NAT2: variants seen among roughly 807,000 people sequenced by gnomAD.
NAT2 encodes N-acetyltransferase 2.
For missense variants in NAT2, 428 were observed against 339.1 expected (o/e 1.26, Z -2.06); for synonymous variants, 137 against 125.9 (o/e 1.09, Z -0.59).
chr8:18,391,442 T>C (rs573250639), intron 1 of NAT2, 97 bp downstream of exon 1: 1 of 151,842 alleles, frequency 6.6e-6, no homozygotes, highest in African/African-American at 2.4e-5. Flanking sequence ...ATGGATCCCC[T>C]CTTGTCCTAG....
intron 1 of NAT2, among the ~76,000 whole-genome samples, chr8:18,395,556 A>C (rs906680238): frequency 6.6e-6 from 1 of 152,170 alleles, no homozygotes; most frequent in Non-Finnish European, 1.5e-5. Context: ...AATACACCGA[A>C]TATGTCTGTT....
chr8:18,396,562 A>C (rs1262369677), intron 1 of NAT2, among the ~76,000 whole-genome samples: 1 of 151,918 alleles, frequency 6.6e-6, no homozygotes, highest in Non-Finnish European at 1.5e-5. Context: ...CACCCGCCTA[A>C]TTTTTGTATT....
chr8:18,400,075 A>G lies in NAT2; in HGVS notation c.72A>G (p.Leu24=), dbSNP rs1457969909. Residue 24 remains leucine (L), a synonymous_variant, in exon 2 of 2, where the codon TTA becomes TTG. Transcript: ENST00000286479. ...GGAACAAATTGGACTTGGAAACATT[A>G]ACTGACATTCTTGAGCACCAGATCC... The part of the protein sequence containing the change: ...NSRNKLDLET[L]TDILEHQIRA... 3.7e-6 allele frequency: 6 copies of G among 1,613,592 alleles called. No homozygotes were observed. The African/African-American group carries it at 4.0e-5, about 11-fold the overall frequency.
chr8:18,389,133 T>C (rs1188590193), upstream of NAT2, among the ~76,000 whole-genome samples: 2 of 152,126 alleles, frequency 1.3e-5, no homozygotes, highest in African/African-American at 2.4e-5. Flanking sequence ...TGACAATAAT[T>C]AGAGGCAATC....
rs1401932110 is a variant in NAT2, at chr8:18,400,360, C to A, written c.357C>A (p.Tyr119Ter). ...AGGTGACCATTGACGGCAGGAATTACATTGTCGATGCTGGGTCTGGAAGCT... is the reference window on the plus strand; with the variant it reads ...AGGTGACCATTGACGGCAGGAATTAAATTGTCGATGCTGGGTCTGGAAGCT... ...LLQVTIDGRN[Y>*]IVDAGSGSSS... Residue 119 changes from tyrosine (Y) to a stop codon, truncating the protein, a stop_gained, in exon 2 of 2, where the codon TAC (tyrosine) becomes TAA (stop). Coordinates refer to ENST00000286479, the MANE Select transcript of NAT2 (RefSeq NM_000015.3). LOFTEE classifies it low-confidence loss of function (END_TRUNC). 1 of 1,612,598 alleles carries A rather than the reference C, an allele frequency of 6.2e-7. No individual in the cohort carries two copies. Among genetic ancestry groups the A allele is most frequent in the African/African-American group, 1.3e-5 (1 of 74,808 alleles).
chr8:18,393,942 T>C (rs1322161571), intron 1 of NAT2, among the ~76,000 whole-genome samples: 3 of 152,238 alleles, frequency 2.0e-5, no homozygotes, highest in Non-Finnish European at 4.4e-5. Context: ...AAAGACATAG[T>C]TTCATGCACA....
Position 18,400,426 on chromosome 8 carries a change from G to C in NAT2, c.423G>C (p.Lys141Asn). 6.2e-7 allele frequency: 1 copy of C among 1,612,992 alleles called. No individual in the cohort carries two copies. Among genetic ancestry groups the C allele is most frequent in the East Asian group, 2.2e-5 (1 of 44,862 alleles). Residue 141 changes from lysine to asparagine, a missense_variant, in exon 2 of 2, where the codon AAG (lysine) becomes AAC (asparagine). Coordinates refer to ENST00000286479, the MANE Select transcript of NAT2 (RefSeq NM_000015.3). ...AGCCTCTAGAATTAATTTCTGGGAA[G>C]GATCAGCCTCAGGTGCCTTGCATTT... ...MWQPLELISG[K>N]DQPQVPCIFC...
At chr8:18,394,184 A>G (rs1800643107) in intron 1 of NAT2, among the ~76,000 whole-genome samples, 1 of 152,176 alleles carries the variant, frequency 6.6e-6, no homozygotes. Context: ...AGCCAGGATG[A>G]GCCAGGAGAA....
At chr8:18,397,420 G>A (rs1800711963) in intron 1 of NAT2, among the ~76,000 whole-genome samples, 1 of 152,040 alleles carries the variant, frequency 6.6e-6, no homozygotes, top group African/African-American at 2.4e-5. Flanking sequence ...TATTTTGTAT[G>A]ATAAATAATT....
chr8:18,399,705 A>T (rs566091438), intron 1 of NAT2, among the ~76,000 whole-genome samples: 36 of 152,182 alleles, frequency 2.4e-4, no homozygotes, highest in Non-Finnish European at 4.1e-4. Context: ...AGAACACCAC[A>T]AACAAGTTGT....
In NAT2 at chr8:18,400,610, G is replaced by C. The variant is rs758539294; in HGVS notation, c.607G>C (p.Glu203Gln). The C allele has an allele frequency of 5.6e-6, 9 of 1,613,670 alleles. No homozygotes were observed. The East Asian group carries it at 1.3e-4, about 24-fold the overall frequency. The part of the protein sequence containing the change: ...TLEPRTIEDF[E>Q]SMNTYLQTSP... ...TGAACCTCGAACAATTGAAGATTTTGAGTCTATGAATACATACCTGCAGAC... is the reference window on the plus strand; with the variant it reads ...TGAACCTCGAACAATTGAAGATTTTCAGTCTATGAATACATACCTGCAGAC... Residue 203 changes from glutamate to glutamine, a missense_variant, in exon 2 of 2, where the codon GAG becomes CAG. Physicochemically the swap from Glu to Gln is conservative, Grantham distance 29 (BLOSUM62 2). Coordinates refer to ENST00000286479, the MANE Select transcript of NAT2 (RefSeq NM_000015.3).
chr8:18,388,797 G>C (rs1340218288), upstream of NAT2, among the ~76,000 whole-genome samples: 1 of 152,190 alleles, frequency 6.6e-6, no homozygotes, highest in Non-Finnish European at 1.5e-5. Flanking sequence ...TATCACTGTT[G>C]TTGCCCAGCC....
Position 18,400,099 on chromosome 8 carries a change from C to T in NAT2, c.96C>T (p.Ile32=), listed in dbSNP as rs750811489. 3.7e-6 allele frequency: 6 copies of T among 1,614,020 alleles called. No individual in the cohort carries two copies. The highest frequency in any genetic ancestry group is 5.1e-6 in the Non-Finnish European group (6 of 1,179,948). Residue 32 remains isoleucine (I), a synonymous_variant, in exon 2 of 2, where the codon ATC becomes ATT. Coordinates refer to ENST00000286479, the MANE Select transcript of NAT2 (RefSeq NM_000015.3). ...ETLTDILEHQ[I]RAVPFENLNM... is the part of the protein sequence containing the mutation. The stretch of plus-strand genomic sequence containing the variant: ...TAACTGACATTCTTGAGCACCAGAT[C>T]CGGGCTGTTCCCTTTGAGAACCTTA...
intron 1 of NAT2, among the ~76,000 whole-genome samples, chr8:18,395,865 G>T (rs1800680700): frequency 6.6e-6 from 1 of 151,342 alleles, no homozygotes; most frequent in African/African-American, 2.4e-5. Context: ...TTCACTCTTT[G>T]AGAGAGAGGA....
At chr8:18,392,238 A>C (rs1000455899) in intron 1 of NAT2, among the ~76,000 whole-genome samples, 2 of 152,204 alleles carry the variant, frequency 1.3e-5, no homozygotes, top group East Asian at 3.9e-4. Flanking sequence ...ATGTATACAT[A>C]AAGGGGAGTT....
chr8:18,399,882 T>C, intron 1 of NAT2, 116 bp from the exon 2 acceptor site: 1 of 1,156,956 alleles, frequency 8.6e-7, no homozygotes. Flanking sequence ...CTATGACAGA[T>C]ACTTATAACC....
upstream of NAT2, among the ~76,000 whole-genome samples, chr8:18,388,664 GAGTT>G (rs1800545364): frequency 6.6e-6 from 1 of 152,176 alleles, no homozygotes. Context: ...ACATAAAAGT[GAGTT>G]AGCACATGTG....
At chr8:18,391,635 C>G (rs1378569227) in intron 1 of NAT2, among the ~76,000 whole-genome samples, 1 of 152,152 alleles carries the variant, frequency 6.6e-6, no homozygotes, top group Non-Finnish European at 1.5e-5. Flanking sequence ...AAATTCCAAT[C>G]TGACTCTGGT....
At chr8:18,390,411 C>G (rs1050547519), upstream of NAT2, among the ~76,000 whole-genome samples, 2 of 152,042 alleles carry the variant, frequency 1.3e-5, no homozygotes, top group African/African-American at 4.8e-5. Flanking sequence ...AGAAAAAAAG[C>G]TAGAAGGAAG....
Sources: gnomAD v4.1 joint callset for allele counts (sites outside exome capture counted in the v4.1 genomes callset) on GRCh38, gnomAD v4.1.1 for gene constraint, MANE v1.5 for transcripts, NCBI Gene and HGNC (gene_info 2026-07-23, HGNC 2026-07-21) for gene names.